SEMA3D: variants seen among roughly 807,000 people sequenced by gnomAD.
SEMA3D encodes the protein semaphorin-3D.
In SEMA3D, 84 loss-of-function variants were observed where a neutral mutation model predicts 100.1. The observed-to-expected ratio is 0.84, with a 90% confidence interval of 0.70 to 1.01. The LOEUF (loss-of-function observed/expected upper bound fraction) is 1.01. SEMA3D is among the 50% of genes least tolerant of loss of function. The pLI is 0.00. For synonymous variants in SEMA3D, 312 were observed against 320.7 expected, an observed-to-expected ratio of 0.97 and a Z score of 0.29; for missense variants, 875 against 934.1, an observed-to-expected ratio of 0.94 and a Z score of 0.82.
chr7:85,052,606 C>A (rs1356428625), intron 9 of SEMA3D, among the ~76,000 whole-genome samples: 1 of 151,992 alleles, frequency 6.6e-6, no homozygotes, highest in African/African-American at 2.4e-5. Flanking sequence ...GCACCACTTC[C>A]TTCATACAAT....
At chr7:85,217,510 A>G in the SEMA3D span, among the ~76,000 whole-genome samples, 61 of 152,214 alleles carry the variant, frequency 4.0e-4, no homozygotes, top group East Asian at 0.011. Flanking sequence ...TCAAGGGACA[A>G]TGAAGAAGGA....
upstream of SEMA3D, among the ~76,000 whole-genome samples, chr7:85,191,121 C>T (rs1791685822): frequency 6.6e-6 from 1 of 152,126 alleles, no homozygotes; most frequent in Non-Finnish European, 1.5e-5. Flanking sequence ...CAGGAATGTG[C>T]TTCAAAATAA....
rs867158347 is a variant in SEMA3D, at chr7:85,055,667, T to C, written c.861+50A>G. 26 of 252,552 alleles carry C rather than the reference T, an allele frequency of 1.0e-4. 1 individual carries two copies. The highest frequency in any genetic ancestry group is 4.4e-4 in the African/African-American group (18 of 40,760). 15.6% of individuals were successfully genotyped at this position (252,552 alleles called of 1,614,324 possible). ...ATACATATATATATATATATATATA[T>C]ATATATATATATATATATGTTTTAA... is the stretch of plus-strand genomic sequence containing the variant. On this transcript the variant is annotated intron_variant, in intron 9 of 18. Transcript: ENST00000284136.
At chr7:85,119,377 A>G (rs1421363572) in intron 3 of SEMA3D, among the ~76,000 whole-genome samples, 2 of 152,214 alleles carry the variant, frequency 1.3e-5, no homozygotes, top group Non-Finnish European at 2.9e-5. Flanking sequence ...ATGCCCATCA[A>G]TGATAGACTG....
At chr7:85,036,582 T>G (rs988876308) in intron 12 of SEMA3D, among the ~76,000 whole-genome samples, 7 of 152,102 alleles carry the variant, frequency 4.6e-5, no homozygotes, top group Admixed American at 1.3e-4. Context: ...TCCATCTAAT[T>G]TAGAATAGCT....
At position 85,073,192 on chromosome 7, in the gene SEMA3D, A is replaced by G. The variant is rs552152950; in HGVS notation, c.376-111T>C. On this transcript the variant is annotated intron_variant, in intron 5 of 18. Coordinates refer to ENST00000284136, the MANE Select transcript of SEMA3D (RefSeq NM_001384900.1). Reference sequence around the variant, plus strand: ...TCAATCTTCAAAAATAAGAGCACAAATGAAAAAAGATTTATGAGAAATTCT... The same window carrying G: ...TCAATCTTCAAAAATAAGAGCACAAGTGAAAAAAGATTTATGAGAAATTCT... 3.0e-5 allele frequency: 29 copies of G among 951,040 alleles called. No homozygotes were observed. The South Asian group carries it at 4.2e-4, about 14-fold the overall frequency. The allele number at this position is 951,040 out of a possible 1,614,324, so 58.9% of individuals were successfully genotyped here. A position where few individuals can be genotyped will look rare whatever the true frequency, so the allele number is the denominator to read the frequency against.
chr7:85,085,636 A>G (rs1289456745), intron 4 of SEMA3D, among the ~76,000 whole-genome samples: 3 of 152,172 alleles, frequency 2.0e-5, no homozygotes, highest in Non-Finnish European at 4.4e-5. Context: ...ACAGAGTGAC[A>G]AGAGAGTACA....
intron 1 of SEMA3D, among the ~76,000 whole-genome samples, chr7:85,161,291 T>A (rs572129282): frequency 6.6e-6 from 1 of 152,216 alleles, no homozygotes; most frequent in African/African-American, 2.4e-5. Flanking sequence ...TTACAGTGAT[T>A]CTTTGTGTTG....
chr7:85,173,180 A>G (rs1444633732), intron 1 of SEMA3D, among the ~76,000 whole-genome samples: 2 of 152,060 alleles, frequency 1.3e-5, no homozygotes, highest in African/African-American at 4.8e-5. Context: ...ACAAATATAC[A>G]TTGAACATTT....
chr7:85,164,972 T>C (rs1790856097), intron 1 of SEMA3D, among the ~76,000 whole-genome samples: 1 of 143,632 alleles, frequency 7.0e-6, no homozygotes. Context: ...GTTAGGTATA[T>C]CTCCTAATGC....
Position 85,099,301 on chromosome 7 carries a change from A to G in SEMA3D, c.152-1336T>C, listed in dbSNP as rs184234761. Among the ~76,000 whole-genome samples, 98 of 152,014 alleles carry G rather than the reference A, an allele frequency of 6.4e-4. No homozygotes were observed. In the Middle Eastern group the frequency reaches 0.017, roughly 26 times the overall value. Reference sequence around the variant, plus strand: ...CCCCATACTGTTCTCATGGTAGTGAATAAGTCTCATGAGAGCTGATGGTTT... The same window carrying G: ...CCCCATACTGTTCTCATGGTAGTGAGTAAGTCTCATGAGAGCTGATGGTTT... On this transcript the variant is annotated intron_variant, in intron 3 of 18. Coordinates refer to ENST00000284136, the MANE Select transcript of SEMA3D (RefSeq NM_001384900.1).
chr7:85,043,481 A>C (rs770167099), intron 9 of SEMA3D, among the ~76,000 whole-genome samples: 43 of 152,178 alleles, frequency 2.8e-4, no homozygotes, highest in Non-Finnish European at 5.6e-4. Context: ...GTAAAACATA[A>C]ACACTTAAAT....
intron 2 of SEMA3D, among the ~76,000 whole-genome samples, chr7:85,128,142 TATTTATTTTA>T (rs1443882783): frequency 6.6e-6 from 1 of 151,618 alleles, no homozygotes; most frequent in Admixed American, 6.6e-5. Flanking sequence ...ACTATGTTTT[TATTTATTTTA>T]TTTTATTTTA....
At chr7:85,107,764 C>T (rs886612725) in intron 3 of SEMA3D, among the ~76,000 whole-genome samples, 63 of 152,192 alleles carry the variant, frequency 4.1e-4, no homozygotes, top group African/African-American at 1.4e-3. Context: ...TTTAACCCCC[C>T]TCACACAACA....
intron 17 of SEMA3D, 41 bp downstream of exon 17, chr7:85,012,741 C>T (rs1562782348): frequency 8.9e-6 from 13 of 1,457,198 alleles, no homozygotes; most frequent in Non-Finnish European, 1.3e-5. Context: ...GTGGGCTTAG[C>T]ATTTTAAATG....
chr7:85,108,414 G>T (rs963885934), intron 3 of SEMA3D, among the ~76,000 whole-genome samples: 3 of 152,014 alleles, frequency 2.0e-5, no homozygotes, highest in Non-Finnish European at 4.4e-5. Context: ...GTCACAAGGG[G>T]TTCCTTTTCT....
In SEMA3D at chr7:85,007,788, C is replaced by A. The variant is rs1033155329; in HGVS notation, c.1769-847G>T. 2.0e-5 allele frequency among the ~76,000 whole-genome samples: 3 copies of A among 151,736 alleles called. No individual in the cohort carries two copies. The South Asian group carries it at 6.2e-4, about 31-fold the overall frequency. ...CATATATTCAGATATCTCAATTTTACAGATTGGCTTACTTAGCACTATAGA... is the reference window on the plus strand; with the variant it reads ...CATATATTCAGATATCTCAATTTTAAAGATTGGCTTACTTAGCACTATAGA... On this transcript the variant is annotated intron_variant, in intron 17 of 18. Coordinates refer to ENST00000284136, the MANE Select transcript of SEMA3D (RefSeq NM_001384900.1).
chr7:85,182,214 A>C (rs1412102058), intron 1 of SEMA3D, among the ~76,000 whole-genome samples: 1 of 152,114 alleles, frequency 6.6e-6, no homozygotes, highest in Non-Finnish European at 1.5e-5. Flanking sequence ...ATAATTTTTA[A>C]TTAGTATTCT....
chr7:85,069,066 A>T (rs1470010820), intron 6 of SEMA3D, among the ~76,000 whole-genome samples: 3 of 152,180 alleles, frequency 2.0e-5, no homozygotes, highest in Admixed American at 2.0e-4. Context: ...CAATGACAAC[A>T]CTACCATCCA....
Sources: gnomAD v4.1 joint callset for allele counts (sites outside exome capture counted in the v4.1 genomes callset) on GRCh38, gnomAD v4.1.1 for gene constraint, MANE v1.5 for transcripts, NCBI Gene and HGNC (gene_info 2026-07-23, HGNC 2026-07-21) for gene names.